AFG1L: variants seen among roughly 807,000 people sequenced by gnomAD.
The protein encoded by AFG1L is AFG1-like ATPase.
In AFG1L, 53 loss-of-function variants were observed where a neutral mutation model predicts 62.2. The observed-to-expected ratio is 0.85, with a 90% CI of 0.68 to 1.07. The LOEUF is 1.07. Ranked by LOEUF, AFG1L falls within the 50% of genes least tolerant of loss-of-function variation. AFG1L has a pLI of 0.00. For synonymous variants in AFG1L, 228 were observed against 210.3 expected (o/e 1.08, Z -0.73); for missense variants, 555 against 590.5 (o/e 0.94, Z 0.62).
chr6:108,386,611 G>A (rs115700432), intron 6 of AFG1L, among the ~76,000 whole-genome samples: 66 of 152,314 alleles, frequency 4.3e-4, no homozygotes, highest in African/African-American at 1.6e-3. Context: ...AAATGCATCA[G>A]AAATGAAAAT....
chr6:108,322,892 T>C (rs943890126), intron 1 of AFG1L, among the ~76,000 whole-genome samples: 1 of 152,180 alleles, frequency 6.6e-6, no homozygotes, highest in African/African-American at 2.4e-5. Context: ...GGAATTATGG[T>C]TGGACCTCGC....
intron 11 of AFG1L, among the ~76,000 whole-genome samples, chr6:108,514,727 A>G (rs140979084): frequency 0.15 from 23,260 of 152,174 alleles, 2,007 homozygotes; most frequent in South Asian, 0.29. Flanking sequence ...TTCAAGACCC[A>G]TCAGTGTGCT....
At chr6:108,472,764 T>C (rs369647418) in intron 8 of AFG1L, among the ~76,000 whole-genome samples, 33 of 145,886 alleles carry the variant, frequency 2.3e-4, no homozygotes, top group African/African-American at 7.5e-4. Flanking sequence ...CTCCCTCCCT[T>C]CCTTCCTTCC....
At chr6:108,493,273 G>C (rs1053518010) in intron 10 of AFG1L, among the ~76,000 whole-genome samples, 1 of 152,182 alleles carries the variant, frequency 6.6e-6, no homozygotes, top group African/African-American at 2.4e-5. Flanking sequence ...AGAACTAGGA[G>C]GAGAGTCGAG....
chr6:108,501,311 G>A (rs893124000), intron 10 of AFG1L, among the ~76,000 whole-genome samples: 13 of 152,226 alleles, frequency 8.5e-5, no homozygotes, highest in Middle Eastern at 3.4e-3. Context: ...ATTTTTGATA[G>A]TTACCATCTA....
intron 1 of AFG1L, among the ~76,000 whole-genome samples, chr6:108,319,200 T>G (rs1397247436): frequency 2.6e-5 from 4 of 152,180 alleles, no homozygotes; most frequent in Non-Finnish European, 5.9e-5. Context: ...CCCACAATAC[T>G]GATATTTCCT....
chr6:108,420,742 G>A (rs1042451758), intron 7 of AFG1L, among the ~76,000 whole-genome samples: 15 of 151,710 alleles, frequency 9.9e-5, no homozygotes, highest in East Asian at 1.9e-4. Flanking sequence ...GATTTTTCGC[G>A]ACATATGTAA....
At position 108,522,294 on chromosome 6, in the gene AFG1L, C is replaced by T; in HGVS notation, c.1318-3C>T. ...TATTTTAATTTCTTTGTTTTATAAC[C>T]AGGATTCAGCAGAAGGACTCTCCAT... On this transcript the variant is annotated splice_region_variant and splice_polypyrimidine_tract_variant and intron_variant, in intron 12 of 12. Coordinates refer to ENST00000368977, the MANE Select transcript of AFG1L (RefSeq NM_145315.5). 4 of 1,610,958 alleles carry T rather than the reference C, an allele frequency of 2.5e-6. No individual in the cohort carries two copies. Among genetic ancestry groups the T allele is most frequent in the Non-Finnish European group, 3.4e-6 (4 of 1,178,430 alleles).
chr6:108,510,294 C>A lies in AFG1L; in HGVS notation c.1145C>A (p.Ala382Glu). Residue 382 changes from alanine (A) to glutamate (E), a missense_variant, in exon 11 of 13, where the codon GCA (alanine) becomes GAA (glutamate). Physicochemically the swap from Ala to Glu is moderately radical, Grantham distance 107. Coordinates refer to ENST00000368977, the MANE Select transcript of AFG1L (RefSeq NM_145315.5). ...FLRNIPQFTL[A>E]NRTQGRRFIT... ...CGAAACATTCCGCAATTTACTCTGGCAAACAGGACTCAAGGTCGAAGATTC... is the reference window on the plus strand; with the variant it reads ...CGAAACATTCCGCAATTTACTCTGGAAAACAGGACTCAAGGTCGAAGATTC... 6.2e-7 allele frequency: 1 copy of A among 1,612,110 alleles called. No individual in the cohort carries two copies. The highest frequency in any genetic ancestry group is 8.5e-7 in the Non-Finnish European group (1 of 1,178,646).
chr6:108,460,094 A>C (rs1312331914), intron 8 of AFG1L, among the ~76,000 whole-genome samples: 4 of 152,166 alleles, frequency 2.6e-5, no homozygotes, highest in Non-Finnish European at 5.9e-5. Flanking sequence ...CAGCGCAATA[A>C]AAAATGCAAA....
At chr6:108,519,200 G>T (rs1199900579) in intron 11 of AFG1L, among the ~76,000 whole-genome samples, 2 of 152,160 alleles carry the variant, frequency 1.3e-5, no homozygotes, top group African/African-American at 4.8e-5. Context: ...AAGGCAAAAA[G>T]TGGTGAACTC....
At chr6:108,362,441 A>G (rs529903734) in intron 5 of AFG1L, among the ~76,000 whole-genome samples, 1 of 152,146 alleles carries the variant, frequency 6.6e-6, no homozygotes, top group Non-Finnish European at 1.5e-5. Context: ...TGTGTTCTTA[A>G]TAACTGTATA....
At chr6:108,443,559 C>T (rs1258336578) in intron 7 of AFG1L, among the ~76,000 whole-genome samples, 2 of 152,098 alleles carry the variant, frequency 1.3e-5, no homozygotes, top group Admixed American at 6.5e-5. Flanking sequence ...ACCACAATTA[C>T]GTTGGTTCCG....
At chr6:108,385,371 G>A (rs559074831) in intron 6 of AFG1L, among the ~76,000 whole-genome samples, 11 of 152,334 alleles carry the variant, frequency 7.2e-5, no homozygotes, top group African/African-American at 2.6e-4. Flanking sequence ...CGCTTAAGGC[G>A]TTCTTAAACC....
intron 8 of AFG1L, among the ~76,000 whole-genome samples, chr6:108,453,333 C>CA (rs1181399828): frequency 2.0e-5 from 3 of 151,088 alleles, no homozygotes; most frequent in Admixed American, 6.6e-5. Flanking sequence ...GAACAGATTT[C>CA]AAAAAAAAAG....
intron 6 of AFG1L, among the ~76,000 whole-genome samples, chr6:108,393,408 TTTCTGTTTAGAA>T (rs1384963449): frequency 6.6e-6 from 1 of 152,132 alleles, no homozygotes; most frequent in Non-Finnish European, 1.5e-5. Flanking sequence ...AGCCAAATGA[TTTCTGTTTAGAA>T]TTCTGTTTAG....
intron 6 of AFG1L, among the ~76,000 whole-genome samples, chr6:108,395,735 A>C (rs1781265753): frequency 6.6e-6 from 1 of 151,654 alleles, no homozygotes; most frequent in Non-Finnish European, 1.5e-5. Flanking sequence ...AAATTTTAAA[A>C]ATCTCATAAC....
rs530114261 is a variant in AFG1L at position 108,340,098 on chromosome 6, A to G, written c.364-6890A>G. On this transcript the variant is annotated intron_variant, in intron 2 of 12. Coordinates refer to ENST00000368977, the MANE Select transcript of AFG1L (RefSeq NM_145315.5). ...AACCATCCTTCTACTTGCTATGTTCATGAGTTCAATTGCTTTGATTTTTGG... is the reference window on the plus strand; with the variant it reads ...AACCATCCTTCTACTTGCTATGTTCGTGAGTTCAATTGCTTTGATTTTTGG... 5.3e-5 allele frequency among the ~76,000 whole-genome samples: 8 copies of G among 150,242 alleles called. No homozygotes were observed. In the East Asian group the frequency reaches 1.6e-3, roughly 30 times the overall value.
intron 2 of AFG1L, among the ~76,000 whole-genome samples, chr6:108,342,928 A>C (rs1241520021): frequency 6.6e-6 from 1 of 152,126 alleles, no homozygotes; most frequent in Non-Finnish European, 1.5e-5. Flanking sequence ...CATCTTCTGA[A>C]TATTACTATA....
Sources: gnomAD v4.1 joint callset for allele counts (sites outside exome capture counted in the v4.1 genomes callset) on GRCh38, gnomAD v4.1.1 for gene constraint, MANE v1.5 for transcripts, NCBI Gene and HGNC (gene_info 2026-07-23, HGNC 2026-07-21) for gene names.